Variants in SLC9B1 observed in about 807,000 individuals in gnomAD.
The protein encoded by SLC9B1 is solute carrier family 9 member B1.
SLC9B1 carries 32 observed loss-of-function variants against 51.7 expected under a neutral mutation model. That is an observed-to-expected ratio of 0.62 (90% CI 0.47 to 0.83). SLC9B1 has a LOEUF of 0.83. Ranked by LOEUF, SLC9B1 falls within the 40% of genes least tolerant of loss-of-function variation. The probability of loss-of-function intolerance (pLI) is 0.00; values close to 1 mark genes in which losing one functional copy is unlikely to be tolerated. For missense variants in SLC9B1, 406 were observed against 613.2 expected, an observed-to-expected ratio of 0.66 and a Z score of 3.57; for synonymous variants, 145 against 212.7, an observed-to-expected ratio of 0.68 and a Z score of 2.77.
intron 6 of SLC9B1, chr4:102,941,473 T>G (rs764943529): frequency 2.2e-6 from 1 of 454,994 alleles, no homozygotes; most frequent in South Asian, 1.6e-5. Flanking sequence ...GAATGGCTAT[T>G]ATCAAAAAGT....
At chr4:103,019,473 A>T in intron 1 of SLC9B1, 126 bp downstream of exon 1, 1 of 567,332 alleles carries the variant, frequency 1.8e-6, no homozygotes, top group Non-Finnish European at 2.2e-6. Flanking sequence ...GAAGAGCCCA[A>T]GAATCCCATT....
At chr4:102,971,375 C>A (rs1211273169) in intron 3 of SLC9B1, among the ~76,000 whole-genome samples, 3 of 152,080 alleles carry the variant, frequency 2.0e-5, no homozygotes, top group Non-Finnish European at 4.4e-5. Context: ...GAACAACCTG[C>A]TCCTGAATGA....
At chr4:102,913,784 A>G (rs1735454117) in intron 7 of SLC9B1, among the ~76,000 whole-genome samples, 3 of 147,044 alleles carry the variant, frequency 2.0e-5, no homozygotes, top group Non-Finnish European at 4.5e-5. Context: ...ATATTAACAA[A>G]GAGATAGAAA....
chr4:102,997,114 G>A (rs1740269042), intron 1 of SLC9B1, among the ~76,000 whole-genome samples: 1 of 152,104 alleles, frequency 6.6e-6, no homozygotes, highest in African/African-American at 2.4e-5. Flanking sequence ...GACATCTGGT[G>A]TTGGTGTACA....
chr4:102,895,200 G>A (rs1415042489), intron 11 of SLC9B1, among the ~76,000 whole-genome samples: 1 of 152,024 alleles, frequency 6.6e-6, no homozygotes, highest in African/African-American at 2.4e-5. Flanking sequence ...GTAAAAAATT[G>A]AGAATCTACA....
intron 7 of SLC9B1, among the ~76,000 whole-genome samples, chr4:102,923,151 CA>C (rs1400173954): frequency 6.6e-6 from 1 of 152,108 alleles, no homozygotes; most frequent in Non-Finnish European, 1.5e-5. Flanking sequence ...AACATTGATA[CA>C]AAAATCCTCA....
intron 3 of SLC9B1, among the ~76,000 whole-genome samples, chr4:102,963,768 C>CA (rs1307774866): frequency 6.6e-6 from 1 of 151,956 alleles, no homozygotes; most frequent in African/African-American, 2.4e-5. Context: ...ACTTAAAATA[C>CA]AAAAAACCAA....
At chr4:102,968,066 T>G (rs1738526829) in intron 3 of SLC9B1, among the ~76,000 whole-genome samples, 1 of 152,224 alleles carries the variant, frequency 6.6e-6, no homozygotes. Flanking sequence ...TAAGTAAGAA[T>G]GAAGTTAGAG....
intron 1 of SLC9B1, among the ~76,000 whole-genome samples, chr4:103,012,677 A>T (rs1017556428): frequency 7.9e-5 from 12 of 152,246 alleles, no homozygotes; most frequent in African/African-American, 2.7e-4. Flanking sequence ...AGTAATCTAT[A>T]AATAACAGAA....
Position 102,989,846 on chromosome 4 carries a change from G to C in SLC9B1, c.165C>G (p.Tyr55Ter), listed in dbSNP as rs779647404. 1.2e-6 allele frequency: 2 copies of C among 1,602,440 alleles called. No homozygotes were observed. The highest frequency in any genetic ancestry group is 1.7e-6 in the Non-Finnish European group (2 of 1,172,294). ...ATACTCCTCTTAGAGGACAAGAAATGTATGTCTCCTTTTTTGTCTGTGGTT... is the reference window on the plus strand; with the variant it reads ...ATACTCCTCTTAGAGGACAAGAAATCTATGTCTCCTTTTTTGTCTGTGGTT... ...EIKPQTKKET[Y>*]ISCPLRGVLN... is the part of the protein sequence containing the mutation. Residue 55 changes from tyrosine (Y) to a stop codon, truncating the protein, a stop_gained, in exon 3 of 12, where the codon TAC becomes TAG. Coordinates refer to ENST00000296422, the MANE Select transcript of SLC9B1 (RefSeq NM_139173.4). LOFTEE classifies it high-confidence loss of function.
chr4:102,964,859 C>T (rs1394883105), intron 3 of SLC9B1, among the ~76,000 whole-genome samples: 1 of 152,102 alleles, frequency 6.6e-6, no homozygotes, highest in Non-Finnish European at 1.5e-5. Context: ...ATGTGCTTAC[C>T]TCTAGATTAG....
chr4:103,002,192 G>A (rs1740559457), intron 1 of SLC9B1, among the ~76,000 whole-genome samples: 1 of 152,114 alleles, frequency 6.6e-6, no homozygotes, highest in Non-Finnish European at 1.5e-5. Context: ...GGGGACACAG[G>A]CCCAAACCAT....
chr4:102,943,911 G>A (rs1215036273), intron 6 of SLC9B1, among the ~76,000 whole-genome samples: 2 of 152,042 alleles, frequency 1.3e-5, no homozygotes, highest in African/African-American at 4.8e-5. Flanking sequence ...AAAGACATGA[G>A]ATCAACCTAA....
intron 3 of SLC9B1, chr4:102,962,210 GT>G (rs1738173932): frequency 2.1e-5 from 11 of 531,590 alleles, no homozygotes; most frequent in Non-Finnish European, 4.2e-5. Context: ...GTCAGCAAAG[GT>G]AGTTGACAAA....
At chr4:102,971,906 C>G (rs1320689919) in intron 3 of SLC9B1, among the ~76,000 whole-genome samples, 1 of 152,092 alleles carries the variant, frequency 6.6e-6, no homozygotes, top group Non-Finnish European at 1.5e-5. Flanking sequence ...GGATAAATTG[C>G]TGGAGAAATA....
At chr4:102,934,725 C>A (rs1736631630) in intron 6 of SLC9B1, among the ~76,000 whole-genome samples, 2 of 141,430 alleles carry the variant, frequency 1.4e-5, no homozygotes, top group African/African-American at 5.4e-5. Flanking sequence ...GAGATCACGC[C>A]ACTGCACTAC....
chr4:102,989,701 G>C (rs1349956602), intron 3 of SLC9B1, 99 bp downstream of exon 3: 28 of 719,940 alleles, frequency 3.9e-5, no homozygotes, highest in Non-Finnish European at 4.3e-5. Context: ...ATCTGATCTG[G>C]AGTATATTGA....
chr4:102,969,946 T>TA (rs201639901), intron 3 of SLC9B1, among the ~76,000 whole-genome samples: 1,771 of 147,418 alleles, frequency 0.012, 37 homozygotes, highest in African/African-American at 0.041. Context: ...AGAAAAAGAG[T>TA]AAAAAAAAAC....
rs112518294 is a variant in SLC9B1, at chr4:102,915,380, CTT to C, written c.830-3845_830-3844del. 2.0e-3 allele frequency among the ~76,000 whole-genome samples: 298 copies of C among 152,174 alleles called. 5 individuals carry two copies. The highest frequency in any genetic ancestry group is 7.0e-3 in the African/African-American group (291 of 41,544). On this transcript the variant is annotated intron_variant, in intron 7 of 11. Transcript: ENST00000296422. ...TACTGTAATGGTGGTAAGTAAAACA[CTT>C]TTTTTCTTTACTTTTTTCTTTTTCT...
Sources: gnomAD v4.1 joint callset for allele counts (sites outside exome capture counted in the v4.1 genomes callset) on GRCh38, gnomAD v4.1.1 for gene constraint, MANE v1.5 for transcripts, NCBI Gene and HGNC (gene_info 2026-07-23, HGNC 2026-07-21) for gene names.